Variants in COG3 observed in about 807,000 individuals in gnomAD.
COG3 encodes the protein component of oligomeric golgi complex 3.
Under a neutral mutation model 114.1 loss-of-function variants are expected in COG3, and 32 were observed. The ratio of observed to expected loss-of-function variants is 0.28; its 90% CI spans 0.21 to 0.38. COG3 has a LOEUF of 0.38. Ranked by LOEUF, COG3 falls within the 10% of genes least tolerant of loss-of-function variation. The pLI is 1.00. For missense variants in COG3, 813 were observed against 973.2 expected (o/e 0.84, Z 2.19); for synonymous variants, 352 against 365.7 (o/e 0.96, Z 0.43).
Position 45,535,747 on chromosome 13 carries a change from T to G in COG3, c.*1016T>G, listed in dbSNP as rs1593764256. On this transcript the variant is annotated 3_prime_UTR_variant, in exon 23 of 23. Transcript: ENST00000349995. ...CAGCAAACCTAAGGATGACAAACAC[T>G]ATCCACATCTGAAAACTACCACACC... 1 of 987,332 alleles carries G rather than the reference T, an allele frequency of 1.0e-6. No homozygotes were observed. Among genetic ancestry groups the G allele is most frequent in the Non-Finnish European group, 1.2e-6 (1 of 830,100 alleles). 61.2% of individuals were successfully genotyped at this position (987,332 alleles called of 1,614,324 possible).
intron 22 of COG3, among the ~76,000 whole-genome samples, chr13:45,534,127 C>T (rs1448485346): frequency 6.6e-6 from 1 of 152,198 alleles, no homozygotes. Flanking sequence ...TCAGAATTGG[C>T]ATGTGAGTTG....
intron 7 of COG3, among the ~76,000 whole-genome samples, 170 bp from the exon 8 acceptor site, chr13:45,486,325 C>CGGAGAGGGAGAGGGAGA (rs1886653519): frequency 3.6e-5 from 1 of 27,934 alleles, no homozygotes; most frequent in Non-Finnish European, 7.0e-5. Flanking sequence ...AGACGGGAGA[C>CGGAGAGGGAGAGGGAGA]GGGAGACGGG....
At chr13:45,518,383 A>G (rs1330989464) in intron 17 of COG3, among the ~76,000 whole-genome samples, 2 of 152,216 alleles carry the variant, frequency 1.3e-5, no homozygotes, top group Non-Finnish European at 2.9e-5. Flanking sequence ...TCTGCTTCAA[A>G]TGAATAAATT....
chr13:45,513,702 G>A (rs551436367), intron 16 of COG3, among the ~76,000 whole-genome samples: 146 of 151,334 alleles, frequency 9.6e-4, no homozygotes, highest in Non-Finnish European at 1.6e-3. Context: ...TTCACATGGG[G>A]ACTAGAAATA....
chr13:45,517,884 A>G (rs1318341288), intron 17 of COG3, among the ~76,000 whole-genome samples: 2 of 152,184 alleles, frequency 1.3e-5, no homozygotes, highest in Non-Finnish European at 2.9e-5. Flanking sequence ...GATTGTGGCA[A>G]AATTTGGTTG....
At chr13:45,533,266 G>T (rs990686542) in intron 22 of COG3, among the ~76,000 whole-genome samples, 18 of 152,134 alleles carry the variant, frequency 1.2e-4, no homozygotes, top group South Asian at 1.0e-3. Flanking sequence ...TGTAGATGTG[G>T]AGTACTTGAT....
At chr13:45,522,860 C>G (rs1872305287) in intron 19 of COG3, among the ~76,000 whole-genome samples, 2 of 152,128 alleles carry the variant, frequency 1.3e-5, no homozygotes, top group Non-Finnish European at 2.9e-5. Context: ...TTGAAACAAA[C>G]TCTTAAGTAG....
At chr13:45,477,357 C>G (rs1406074868) in intron 2 of COG3, among the ~76,000 whole-genome samples, 3 of 152,030 alleles carry the variant, frequency 2.0e-5, no homozygotes, top group African/African-American at 7.3e-5. Context: ...TACCTGTTCT[C>G]TCTTTAAAAT....
chr13:45,531,785 C>A (rs927401233), intron 22 of COG3, among the ~76,000 whole-genome samples: 4 of 152,010 alleles, frequency 2.6e-5, no homozygotes, highest in Non-Finnish European at 4.4e-5. Flanking sequence ...GGATTACAGT[C>A]GAGCCACCAT....
intron 16 of COG3, 35 bp downstream of exon 16, chr13:45,511,889 G>A: frequency 6.6e-7 from 1 of 1,509,128 alleles, no homozygotes; most frequent in South Asian, 1.1e-5. Context: ...CCTGTTTCCT[G>A]GTAAAATATT....
In COG3 at chr13:45,464,975, C is replaced by A. The variant is rs1458807802; in HGVS notation, c.-62C>A. On this transcript the variant is annotated 5_prime_UTR_variant, in exon 1 of 23. Transcript: ENST00000349995. ...AGCTCCGGTTCTCCCGGAAGTGGCCCAGGTCTCTCTGTCGGGGTCCCCTCC... is the reference window on the plus strand; with the variant it reads ...AGCTCCGGTTCTCCCGGAAGTGGCCAAGGTCTCTCTGTCGGGGTCCCCTCC... The A allele has an allele frequency of 6.6e-7, 1 of 1,516,756 alleles. No individual in the cohort carries two copies. Among genetic ancestry groups the A allele is most frequent in the African/African-American group, 1.4e-5 (1 of 72,354 alleles). 94.0% of individuals were successfully genotyped at this position (1,516,756 alleles called of 1,614,324 possible).
intron 3 of COG3, among the ~76,000 whole-genome samples, chr13:45,479,341 A>G (rs1051891974): frequency 2.0e-5 from 3 of 152,094 alleles, no homozygotes; most frequent in Admixed American, 1.3e-4. Context: ...AGGTTCAGGT[A>G]GGAGTTGTAG....
At chr13:45,495,950 C>T (rs1444764813) in intron 12 of COG3, among the ~76,000 whole-genome samples, 2 of 151,768 alleles carry the variant, frequency 1.3e-5, no homozygotes, top group Middle Eastern at 3.2e-3. Flanking sequence ...AGAGTACTGC[C>T]CAGTTTTAAA....
rs1885281942 is a variant in COG3, at chr13:45,468,490, C to T, written c.174+3280C>T. ...AAGTGCCTTGAGGAAGGTTCTGAGA[C>T]TCCACCTATACCTCTTCAGTAATTT... On this transcript the variant is annotated intron_variant, in intron 1 of 22. Transcript: ENST00000349995. Among the ~76,000 whole-genome samples the T allele has an allele frequency of 2.6e-5, 4 of 152,122 alleles. 1 individual carries two copies. In the South Asian group the frequency reaches 8.3e-4, roughly 32 times the overall value.
At chr13:45,534,497 C>CTT in intron 22 of COG3, 10 of 381,256 alleles carry the variant, frequency 2.6e-5, no homozygotes, top group African/African-American at 1.1e-4. Context: ...CTCTAAACAA[C>CTT]TTTTTTTTTT....
intron 14 of COG3, among the ~76,000 whole-genome samples, chr13:45,504,309 A>T (rs1416848743): frequency 1.3e-5 from 2 of 152,244 alleles, no homozygotes; most frequent in Non-Finnish European, 2.9e-5. Flanking sequence ...CTCGCCCTAT[A>T]GGAGGGAGGA....
At chr13:45,488,977 T>C (rs1197392070) in intron 8 of COG3, among the ~76,000 whole-genome samples, 3 of 151,482 alleles carry the variant, frequency 2.0e-5, no homozygotes, top group Non-Finnish European at 4.4e-5. Flanking sequence ...CCCTTGAGTT[T>C]AGGAGTTTGA....
chr13:45,535,056 T>G lies in COG3; in HGVS notation c.*325T>G. 9.1e-7 allele frequency: 1 copy of G among 1,100,856 alleles called. No individual in the cohort carries two copies. Among genetic ancestry groups the G allele is most frequent in the Non-Finnish European group, 1.1e-6 (1 of 906,186 alleles). The allele number at this position is 1,100,856 out of a possible 1,614,324, so 68.2% of individuals were successfully genotyped here. On this transcript the variant is annotated 3_prime_UTR_variant, in exon 23 of 23. Transcript: ENST00000349995. The stretch of plus-strand genomic sequence containing the variant: ...GTTAAAAATGTGCAATAAAAATAGA[T>G]TACAATAAGTAGTGCAAAGAACTTT...
rs778058204 is a variant in COG3 at position 45,476,257 on chromosome 13, T to C, written c.231T>C (p.Thr77=). Residue 77 remains threonine, a synonymous_variant, in exon 2 of 23, where the codon ACT becomes ACC. Coordinates refer to ENST00000349995, the MANE Select transcript of COG3 (RefSeq NM_031431.4). ...CCCAGTCACTGCCCATTGAACTGACTTCAGTAGTGCCTGAATCTACAGAAG... is the reference window on the plus strand; with the variant it reads ...CCCAGTCACTGCCCATTGAACTGACCTCAGTAGTGCCTGAATCTACAGAAG... ...LTSQSLPIEL[T]SVVPESTEDI... is the part of the protein sequence containing the mutation. 52 of 1,613,982 alleles carry C rather than the reference T, an allele frequency of 3.2e-5. No homozygotes were observed. Among genetic ancestry groups the C allele is most frequent in the Middle Eastern group, 3.3e-4 (2 of 6,060 alleles).
Sources: gnomAD v4.1 joint callset for allele counts (sites outside exome capture counted in the v4.1 genomes callset) on GRCh38, gnomAD v4.1.1 for gene constraint, MANE v1.5 for transcripts, NCBI Gene and HGNC (gene_info 2026-07-23, HGNC 2026-07-21) for gene names.